CRTC3: variants seen among roughly 807,000 people sequenced by gnomAD.
CRTC3 encodes CREB regulated transcription coactivator 3.
Under a neutral mutation model 74.5 loss-of-function variants are expected in CRTC3, and 26 were observed. The ratio of observed to expected loss-of-function variants is 0.35; its 90% CI spans 0.26 to 0.48. CRTC3 has a LOEUF of 0.48. CRTC3 is among the 20% of genes least tolerant of loss of function. CRTC3 has a pLI of 0.99. For missense variants in CRTC3, 760 were observed against 787.3 expected (o/e 0.97, Z 0.41); for synonymous variants, 377 against 325.8 (o/e 1.16, Z -1.69).
chr15:90,607,782 C>T (rs567910661), intron 6 of CRTC3, among the ~76,000 whole-genome samples: 2 of 152,276 alleles, frequency 1.3e-5, no homozygotes, highest in East Asian at 3.9e-4. Context: ...AGTCTCACAT[C>T]CCTTCAATCC....
chr15:90,557,504 C>T (rs1296433260), intron 2 of CRTC3, among the ~76,000 whole-genome samples: 2 of 152,184 alleles, frequency 1.3e-5, no homozygotes, highest in Non-Finnish European at 2.9e-5. Context: ...GTCTCAGACA[C>T]GTACAAATGG....
intron 10 of CRTC3, among the ~76,000 whole-genome samples, chr15:90,627,778 C>T (rs532228444): frequency 3.3e-5 from 4 of 121,180 alleles, no homozygotes; most frequent in East Asian, 4.9e-4. Context: ...CCTGCCACCA[C>T]GCCCGGCTAA....
At chr15:90,616,265 G>A (rs1297298301) in intron 7 of CRTC3, among the ~76,000 whole-genome samples, 5 of 152,114 alleles carry the variant, frequency 3.3e-5, no homozygotes, top group African/African-American at 1.2e-4. Flanking sequence ...CTGCCCTGGT[G>A]GTACTGGACA....
chr15:90,544,557 G>A (rs1268697446), intron 2 of CRTC3, among the ~76,000 whole-genome samples: 1 of 152,108 alleles, frequency 6.6e-6, no homozygotes, highest in African/African-American at 2.4e-5. Context: ...TTAGTTGATG[G>A]GCATTTGGGT....
intron 7 of CRTC3, among the ~76,000 whole-genome samples, chr15:90,615,323 C>T (rs1049837035): frequency 2.6e-5 from 4 of 152,198 alleles, no homozygotes; most frequent in Admixed American, 6.5e-5. Context: ...TTTATTTACT[C>T]AGTACCAGGG....
intron 6 of CRTC3, chr15:90,613,703 A>G (rs1238091652): frequency 6.6e-6 from 1 of 152,226 alleles, no homozygotes; most frequent in East Asian, 1.9e-4. Flanking sequence ...GAACTTTATA[A>G]TAATGTATCC....
At chr15:90,577,783 A>T (rs1837585151) in intron 2 of CRTC3, among the ~76,000 whole-genome samples, 1 of 152,226 alleles carries the variant, frequency 6.6e-6, no homozygotes, top group Non-Finnish European at 1.5e-5. Flanking sequence ...AAAGACAAAT[A>T]TCGCATGTTC....
intron 11 of CRTC3, 175 bp from the exon 12 acceptor site, chr15:90,638,269 GAA>G: frequency 1.7e-6 from 1 of 581,544 alleles, no homozygotes; most frequent in Non-Finnish European, 3.1e-6. Flanking sequence ...GCTTTGTGGG[GAA>G]GTAAAATTTG....
intron 5 of CRTC3, among the ~76,000 whole-genome samples, chr15:90,605,877 AC>A (rs536896729): frequency 6.6e-6 from 1 of 152,272 alleles, no homozygotes. Context: ...AGCTGTGTAG[AC>A]ATTGAAGCTA....
intron 13 of CRTC3, 138 bp downstream of exon 13, chr15:90,638,953 C>T (rs1257735867): frequency 7.1e-5 from 52 of 734,380 alleles, no homozygotes; most frequent in Non-Finnish European, 6.9e-6. Context: ...GCTAGAAGAG[C>T]CTTTCATCTT....
At position 90,644,811 on chromosome 15, in the gene CRTC3, T is replaced by A. The variant is rs929890091; in HGVS notation, c.*2671T>A. The A allele has an allele frequency of 8.6e-6, 2 of 232,418 alleles. No individual in the cohort carries two copies. The highest frequency in any genetic ancestry group is 1.7e-5 in the Non-Finnish European group (2 of 117,566). The allele number at this position is 232,418 out of a possible 1,614,324, so 14.4% of individuals were successfully genotyped here. A position where few individuals can be genotyped will look rare whatever the true frequency, so the allele number is the denominator to read the frequency against. On this transcript the variant is annotated 3_prime_UTR_variant, in exon 15 of 15. Transcript: ENST00000268184. ...CTCAGCATTTGAAGCAGCTGCATACTTCAGAGTAAACTATTTTTCATTATT... is the reference window on the plus strand; with the variant it reads ...CTCAGCATTTGAAGCAGCTGCATACATCAGAGTAAACTATTTTTCATTATT...
At chr15:90,594,565 G>C (rs1176771626) in intron 3 of CRTC3, 1 of 152,208 alleles carries the variant, frequency 6.6e-6, no homozygotes, top group African/African-American at 2.4e-5. Flanking sequence ...GCGGAGAGCT[G>C]AATTCCTGGC....
At chr15:90,569,203 T>C (rs1567168900) in intron 2 of CRTC3, among the ~76,000 whole-genome samples, 2 of 151,880 alleles carry the variant, frequency 1.3e-5, no homozygotes, top group African/African-American at 4.8e-5. Flanking sequence ...AGAGTTTTTC[T>C]TTTTGGCCCA....
In CRTC3 at chr15:90,629,622, A is replaced by G. The variant is rs1223362710; in HGVS notation, c.1266+90A>G. On this transcript the variant is annotated intron_variant, in intron 11 of 14. Transcript: ENST00000268184. Reference sequence around the variant, plus strand: ...CCTCCTCTTTACTATTTTGGGTTACACTCATTATTACACCAAGCACCCATG... The same window carrying G: ...CCTCCTCTTTACTATTTTGGGTTACGCTCATTATTACACCAAGCACCCATG... 4.3e-5 allele frequency: 57 copies of G among 1,320,682 alleles called. No homozygotes were observed. The East Asian group carries it at 1.4e-3, about 31-fold the overall frequency. 81.8% of individuals were successfully genotyped at this position (1,320,682 alleles called of 1,614,324 possible).
chr15:90,641,890 C>T, intron 14 of CRTC3, 42 bp from the exon 15 acceptor site: 2 of 1,579,222 alleles, frequency 1.3e-6, no homozygotes, highest in Non-Finnish European at 1.7e-6. Context: ...AGCCTTCGCG[C>T]CTCCTAACCG....
chr15:90,641,212 T>A lies in CRTC3; in HGVS notation c.1651+13T>A. 1 of 1,536,710 alleles carries A rather than the reference T, an allele frequency of 6.5e-7. No homozygotes were observed. Among genetic ancestry groups the A allele is most frequent in the Non-Finnish European group, 9.0e-7 (1 of 1,110,146 alleles). ...ACCATCCTGCCAGGTGAGCGAGCTA[T>A]CCCTCAGCTTCTTTACTGCTTTTAT... On this transcript the variant is annotated intron_variant, in intron 14 of 14. Coordinates refer to ENST00000268184, the MANE Select transcript of CRTC3 (RefSeq NM_022769.5).
chr15:90,581,477 A>G (rs147421072), intron 2 of CRTC3, among the ~76,000 whole-genome samples: 1 of 152,294 alleles, frequency 6.6e-6, no homozygotes, highest in African/African-American at 2.4e-5. Flanking sequence ...ACAGTGTGAA[A>G]AAAAGTTGTT....
intron 9 of CRTC3, chr15:90,624,794 C>A (rs1456998562): frequency 6.6e-6 from 1 of 152,384 alleles, no homozygotes; most frequent in Admixed American, 6.5e-5. Flanking sequence ...GGGGCCCCGC[C>A]CTTGAGAGGG....
In CRTC3 at chr15:90,606,200, G is replaced by A. The variant is rs961763818; in HGVS notation, c.477-1178G>A. ...GAACCCGGGAGGCAGAGGTTGCAGT[G>A]AACACCACTGTACTGCAGCCTGGGC... On this transcript the variant is annotated intron_variant, in intron 5 of 14. Coordinates refer to ENST00000268184, the MANE Select transcript of CRTC3 (RefSeq NM_022769.5). Among the ~76,000 whole-genome samples, 7 of 152,104 alleles carry A rather than the reference G, an allele frequency of 4.6e-5. No individual in the cohort carries two copies. In the East Asian group the frequency reaches 1.3e-3, roughly 29 times the overall value.
Sources: gnomAD v4.1 joint callset for allele counts (sites outside exome capture counted in the v4.1 genomes callset) on GRCh38, gnomAD v4.1.1 for gene constraint, MANE v1.5 for transcripts, NCBI Gene and HGNC (gene_info 2026-07-23, HGNC 2026-07-21) for gene names.